MYO1E: variants seen among roughly 807,000 people sequenced by gnomAD.
MYO1E encodes the protein myosin IE.
Under a neutral mutation model 151.1 loss-of-function variants are expected in MYO1E, and 68 were observed. The ratio of observed to expected loss-of-function variants is 0.45; its 90% CI spans 0.37 to 0.55. The LOEUF is 0.55. Ranked by LOEUF, MYO1E falls within the 20% of genes least tolerant of loss-of-function variation. The pLI, the probability that MYO1E is intolerant of heterozygous loss-of-function variation, is 0.00. For synonymous variants in MYO1E, 601 were observed against 501.7 expected (o/e 1.20, Z -2.64); for missense variants, 1,363 against 1,389.3 (o/e 0.98, Z 0.30).
chr15:59,167,371 A>G (rs771749928), intron 22 of MYO1E, among the ~76,000 whole-genome samples: 10 of 151,976 alleles, frequency 6.6e-5, no homozygotes, highest in Admixed American at 5.9e-4. Flanking sequence ...GAGACCCCCA[A>G]ATAAGAGCTT....
intron 15 of MYO1E, among the ~76,000 whole-genome samples, chr15:59,203,312 C>T (rs2079813207): frequency 6.6e-6 from 1 of 152,194 alleles, no homozygotes; most frequent in Non-Finnish European, 1.5e-5. Flanking sequence ...CCCTGACAAA[C>T]TGCTTTTGAG....
At chr15:59,196,755 G>A (rs2079768597) in intron 16 of MYO1E, among the ~76,000 whole-genome samples, 1 of 152,108 alleles carries the variant, frequency 6.6e-6, no homozygotes, top group Non-Finnish European at 1.5e-5. Context: ...GGCTGCAGAG[G>A]TTGCATGATC....
At chr15:59,239,577 G>C (rs2080087872) in intron 4 of MYO1E, among the ~76,000 whole-genome samples, 2 of 152,080 alleles carry the variant, frequency 1.3e-5, no homozygotes, top group South Asian at 2.1e-4. Flanking sequence ...ACTGTATTCA[G>C]ACATGAAATA....
At chr15:59,345,572 C>T (rs2080789694) in intron 1 of MYO1E, among the ~76,000 whole-genome samples, 1 of 152,192 alleles carries the variant, frequency 6.6e-6, no homozygotes, top group Non-Finnish European at 1.5e-5. Flanking sequence ...TTAACTTTGG[C>T]TTTTCATCTG....
At chr15:59,219,487 G>C (rs1294732951) in intron 9 of MYO1E, among the ~76,000 whole-genome samples, 2 of 152,154 alleles carry the variant, frequency 1.3e-5, no homozygotes, top group Non-Finnish European at 2.9e-5. Context: ...TTTCACAGAT[G>C]GTGTTAGAAT....
At chr15:59,201,357 G>A (rs1340490755) in intron 16 of MYO1E, among the ~76,000 whole-genome samples, 2 of 150,574 alleles carry the variant, frequency 1.3e-5, no homozygotes, top group African/African-American at 2.4e-5. Context: ...GCCTCCAAAA[G>A]TGTTGGGATT....
At chr15:59,332,427 T>C (rs1371684700) in intron 1 of MYO1E, among the ~76,000 whole-genome samples, 2 of 152,192 alleles carry the variant, frequency 1.3e-5, no homozygotes, top group Non-Finnish European at 2.9e-5. Context: ...TGCAATTAGA[T>C]GGGAAGAAGT....
intron 1 of MYO1E, among the ~76,000 whole-genome samples, chr15:59,309,487 G>A (rs1439746558): frequency 6.6e-6 from 1 of 152,178 alleles, no homozygotes; most frequent in Non-Finnish European, 1.5e-5. Context: ...AAGAATAACA[G>A]GACATCATGA....
At chr15:59,153,872 A>T in intron 25 of MYO1E, 81 bp from the exon 26 acceptor site, 1 of 1,325,528 alleles carries the variant, frequency 7.5e-7, no homozygotes, top group Non-Finnish European at 1.1e-6. Context: ...TCTTCCATGT[A>T]CTACAAGGGC....
intron 17 of MYO1E, 69 bp from the exon 18 acceptor site, chr15:59,188,285 A>T: frequency 2.3e-6 from 3 of 1,282,450 alleles, no homozygotes; most frequent in Middle Eastern, 3.7e-4. Context: ...TTACCAGCCA[A>T]CCCCCAAGCC....
Position 59,161,243 on chromosome 15 carries a change from C to T in MYO1E, c.2628-13G>A. On this transcript the variant is annotated splice_polypyrimidine_tract_variant and intron_variant, in intron 23 of 27. Transcript: ENST00000288235. ...CTTCAGTTCAAGCCTGCAAAAAGCACAGTGGGGTTAACAGGTCGAAGGACG... is the reference window on the plus strand; with the variant it reads ...CTTCAGTTCAAGCCTGCAAAAAGCATAGTGGGGTTAACAGGTCGAAGGACG... 6.2e-7 allele frequency: 1 copy of T among 1,613,428 alleles called. No homozygotes were observed. Among genetic ancestry groups the T allele is most frequent in the Non-Finnish European group, 8.5e-7 (1 of 1,179,562 alleles).
At chr15:59,263,055 T>G (rs1426649890) in intron 2 of MYO1E, among the ~76,000 whole-genome samples, 1 of 152,158 alleles carries the variant, frequency 6.6e-6, no homozygotes, top group Non-Finnish European at 1.5e-5. Flanking sequence ...ACAGAGACAT[T>G]CAAAACTGTT....
intron 26 of MYO1E, among the ~76,000 whole-genome samples, chr15:59,152,725 C>G (rs570477474): frequency 2.0e-5 from 3 of 152,166 alleles, no homozygotes; most frequent in African/African-American, 7.2e-5. Flanking sequence ...AACTGAAGCT[C>G]AGAGAGAGCA....
chr15:59,198,352 T>C (rs2079780427), intron 16 of MYO1E, among the ~76,000 whole-genome samples: 1 of 152,210 alleles, frequency 6.6e-6, no homozygotes, highest in African/African-American at 2.4e-5. Context: ...CTCCTCATTC[T>C]ACCTTCAACA....
At chr15:59,286,667 G>A (rs889970828) in intron 1 of MYO1E, among the ~76,000 whole-genome samples, 6 of 152,272 alleles carry the variant, frequency 3.9e-5, no homozygotes, top group South Asian at 2.1e-4. Flanking sequence ...AAGCTCAGGG[G>A]CAAGGAGCAT....
intron 2 of MYO1E, among the ~76,000 whole-genome samples, chr15:59,269,062 G>A (rs547268082): frequency 2.8e-4 from 43 of 152,140 alleles, no homozygotes; most frequent in African/African-American, 1.0e-3. Context: ...AGACTTCTAT[G>A]GGCTTGTCAA....
chr15:59,240,888 T>C (rs1320516681), intron 4 of MYO1E, among the ~76,000 whole-genome samples: 1 of 152,204 alleles, frequency 6.6e-6, no homozygotes, highest in Admixed American at 6.5e-5. Flanking sequence ...TCTGCCCCAG[T>C]GTGTTAAGCC....
chr15:59,342,715 C>T (rs1393066864), intron 1 of MYO1E, among the ~76,000 whole-genome samples: 1 of 152,076 alleles, frequency 6.6e-6, no homozygotes, highest in Non-Finnish European at 1.5e-5. Context: ...TCCTATCTTC[C>T]TTTAAGGTGA....
chr15:59,268,505 C>T (rs1173990861), intron 2 of MYO1E, among the ~76,000 whole-genome samples: 2 of 152,114 alleles, frequency 1.3e-5, no homozygotes, highest in African/African-American at 4.8e-5. Flanking sequence ...CAAGTCTTAA[C>T]AGTCAACAAA....
Sources: allele counts gnomAD v4.1 joint callset (sites outside exome capture counted in the v4.1 genomes callset), GRCh38; gene constraint gnomAD v4.1.1; transcripts MANE v1.5; gene names NCBI Gene and HGNC (gene_info 2026-07-23, HGNC 2026-07-21).